The following BMPR2 variants were observed in gnomAD, a reference collection of about 807,000 sequenced individuals.
BMPR2 encodes the protein bone morphogenetic protein receptor type-2.
In BMPR2, 29 loss-of-function variants were observed where a neutral mutation model predicts 100.8. The observed-to-expected ratio is 0.29, with a 90% CI of 0.21 to 0.39. BMPR2 has a LOEUF of 0.39. Among genes scored for constraint, BMPR2 ranks in the 10% least tolerant of loss-of-function variants. BMPR2 has a pLI of 1.00. For missense variants in BMPR2, 1,011 were observed against 1,274.5 expected, an observed-to-expected ratio of 0.79 and a Z score of 3.15; for synonymous variants, 382 against 442.3, an observed-to-expected ratio of 0.86 and a Z score of 1.71.
At chr2:202,447,573 G>A (rs568830610) in intron 1 of BMPR2, among the ~76,000 whole-genome samples, 2 of 150,522 alleles carry the variant, frequency 1.3e-5, no homozygotes, top group East Asian at 3.9e-4. Flanking sequence ...CCAGCTACTC[G>A]GGAGGCTGAG....
At chr2:202,413,133 CT>C (rs1472006511) in intron 1 of BMPR2, among the ~76,000 whole-genome samples, 1 of 152,186 alleles carries the variant, frequency 6.6e-6, no homozygotes, top group Non-Finnish European at 1.5e-5. Flanking sequence ...CACATTCTGA[CT>C]TCTTGTTTCA....
At chr2:202,535,887 G>A (rs1031064951) in intron 9 of BMPR2, among the ~76,000 whole-genome samples, 12 of 152,190 alleles carry the variant, frequency 7.9e-5, no homozygotes, top group South Asian at 2.1e-4. Context: ...GCTGGAGACC[G>A]GCCTGGCCAA....
chr2:202,456,849 C>A (rs1692118849), intron 1 of BMPR2, among the ~76,000 whole-genome samples: 1 of 152,146 alleles, frequency 6.6e-6, no homozygotes, highest in South Asian at 2.1e-4. Context: ...TCATATATCT[C>A]TGCTACTCAC....
intron 1 of BMPR2, among the ~76,000 whole-genome samples, chr2:202,438,004 G>A (rs1258319031): frequency 6.7e-6 from 1 of 150,282 alleles, no homozygotes; most frequent in African/African-American, 2.5e-5. Context: ...GCTGGGTCAG[G>A]TGGTTAAGGC....
chr2:202,486,835 A>C (rs185563651), intron 3 of BMPR2, among the ~76,000 whole-genome samples: 1 of 151,950 alleles, frequency 6.6e-6, no homozygotes, highest in Non-Finnish European at 1.5e-5. Context: ...GGATCAGCCT[A>C]GGCAATATAG....
At chr2:202,407,103 T>G (rs1690911975) in intron 1 of BMPR2, among the ~76,000 whole-genome samples, 1 of 148,078 alleles carries the variant, frequency 6.8e-6, no homozygotes, top group African/African-American at 2.5e-5. Flanking sequence ...ATGTGCTAAT[T>G]TTTGTATTTT....
chr2:202,424,961 T>G (rs1210950701), intron 1 of BMPR2, among the ~76,000 whole-genome samples: 3 of 148,892 alleles, frequency 2.0e-5, no homozygotes, highest in African/African-American at 7.4e-5. Context: ...GAGCAAACAT[T>G]TTTTTTTTTT....
rs545126726 is a variant in BMPR2 at position 202,438,929 on chromosome 2, C to G, written c.77-25880C>G. On this transcript the variant is annotated intron_variant, in intron 1 of 12. Transcript: ENST00000374580. ...ATCCTCTGACTTTGTTCTTCTGTTTCAAGATTGTTTTGGCTATTCTGGGTC... is the reference window on the plus strand; with the variant it reads ...ATCCTCTGACTTTGTTCTTCTGTTTGAAGATTGTTTTGGCTATTCTGGGTC... Among the ~76,000 whole-genome samples, 11 of 150,670 alleles carry G rather than the reference C, an allele frequency of 7.3e-5. 1 individual carries two copies. The highest frequency in any genetic ancestry group is 2.5e-4 in the African/African-American group (10 of 40,072).
chr2:202,434,911 ATATATATAT>A (rs1691581812), intron 1 of BMPR2, among the ~76,000 whole-genome samples: 2 of 32,228 alleles, frequency 6.2e-5, no homozygotes, highest in Non-Finnish European at 5.6e-5. Flanking sequence ...AAAAAAAAAT[ATATATATAT>A]ATATATATAT....
intron 7 of BMPR2, among the ~76,000 whole-genome samples, 178 bp from the exon 8 acceptor site, chr2:202,530,616 T>C (rs1425971394): frequency 6.6e-6 from 1 of 152,244 alleles, no homozygotes; most frequent in Non-Finnish European, 1.5e-5. Flanking sequence ...ACAGGAGTTA[T>C]ATTATAAAAT....
intron 3 of BMPR2, chr2:202,469,411 A>G (rs905638968): frequency 5.2e-5 from 11 of 212,146 alleles, no homozygotes; most frequent in African/African-American, 2.3e-4. Flanking sequence ...GTACCTAACA[A>G]TGGAAAGGAG....
At chr2:202,435,372 A>AATATATATATATATATAT (rs1553500523) in intron 1 of BMPR2, among the ~76,000 whole-genome samples, 1 of 59,968 alleles carries the variant, frequency 1.7e-5, no homozygotes, top group Non-Finnish European at 3.3e-5. Context: ...TCAAAAAAAA[A>AATATATATATATATATAT]ATACATATAT....
At chr2:202,545,586 T>G (rs184733082) in intron 10 of BMPR2, among the ~76,000 whole-genome samples, 257 of 152,338 alleles carry the variant, frequency 1.7e-3, no homozygotes, top group South Asian at 4.6e-3. Context: ...ATTTCCATTT[T>G]GGATCCTGAT....
At chr2:202,505,296 G>C (rs1464116289) in intron 3 of BMPR2, 2 of 150,122 alleles carry the variant, frequency 1.3e-5, no homozygotes, top group Non-Finnish European at 1.5e-5. Context: ...CTGTAATTCT[G>C]AGGTTTCTTC....
intron 10 of BMPR2, among the ~76,000 whole-genome samples, chr2:202,547,020 G>A (rs1252421230): frequency 1.3e-5 from 2 of 151,806 alleles, no homozygotes; most frequent in African/African-American, 2.4e-5. Flanking sequence ...CTCCCACCTC[G>A]GCCTCCCAGA....
chr2:202,495,675 T>TA lies in BMPR2; in HGVS notation c.419-18043dup, dbSNP rs1487587938. On this transcript the variant is annotated intron_variant, in intron 3 of 12. Transcript: ENST00000374580. This position sits in a 1 kb window ranked among gnomAD's most constrained non-coding sequence, Gnocchi z 4.5. ...GACGCACCTTTCTCTACCCATTACT[T>TA]ACCTCCCCACTTCCGTGTCATTTAA... 6.6e-6 allele frequency among the ~76,000 whole-genome samples: 1 copy of TA among 152,160 alleles called. No homozygotes were observed. The highest frequency in any genetic ancestry group is 1.5e-5 in the Non-Finnish European group (1 of 68,024).
intron 10 of BMPR2, among the ~76,000 whole-genome samples, chr2:202,547,650 G>A (rs1688399183): frequency 6.6e-6 from 1 of 151,454 alleles, no homozygotes; most frequent in Non-Finnish European, 1.5e-5. Flanking sequence ...GGGTGTGGTT[G>A]TGCATGCCTG....
chr2:202,414,347 T>G (rs1691080090), intron 1 of BMPR2, among the ~76,000 whole-genome samples: 1 of 152,216 alleles, frequency 6.6e-6, no homozygotes, highest in South Asian at 2.1e-4. Context: ...TCTCCCTGTT[T>G]TCAGGCCTCC....
At chr2:202,388,396 C>CAAAAAA (rs71406975) in intron 1 of BMPR2, among the ~76,000 whole-genome samples, 6 of 36,954 alleles carry the variant, frequency 1.6e-4, no homozygotes, top group African/African-American at 3.5e-4. Context: ...GACTCCATCT[C>CAAAAAA]AAAAAAAAAA....
Sources: gnomAD v4.1 joint callset for allele counts (sites outside exome capture counted in the v4.1 genomes callset) on GRCh38, gnomAD v4.1.1 for gene constraint, Gnocchi (gnomAD v3.1) non-coding constraint, MANE v1.5 for transcripts, NCBI Gene and HGNC (gene_info 2026-07-23, HGNC 2026-07-21) for gene names.